Variants in IMPG1 observed in about 807,000 individuals in gnomAD.
IMPG1 encodes interphotoreceptor matrix proteoglycan 1.
In IMPG1, 85 loss-of-function variants were observed where a neutral mutation model predicts 92.0. The observed-to-expected ratio is 0.92, with a 90% CI of 0.78 to 1.11. The LOEUF (loss-of-function observed/expected upper bound fraction) is 1.11. IMPG1 is among the 50% of genes least tolerant of loss of function. The pLI, the probability that IMPG1 is intolerant of heterozygous loss-of-function variation, is 0.00. For missense variants in IMPG1, 1,022 were observed against 956.0 expected (o/e 1.07, Z -0.91); for synonymous variants, 367 against 334.1 (o/e 1.10, Z -1.08).
chr6:75,991,748 A>G (rs1176860202), intron 12 of IMPG1, among the ~76,000 whole-genome samples: 1 of 152,160 alleles, frequency 6.6e-6, no homozygotes, highest in African/African-American at 2.4e-5. Flanking sequence ...ATTCTTTTAT[A>G]TTATAATTAA....
chr6:75,951,223 A>ATTTT, intron 12 of IMPG1, 129 bp from the exon 13 acceptor site: 3 of 581,888 alleles, frequency 5.2e-6, no homozygotes, highest in Non-Finnish European at 2.9e-6. Flanking sequence ...TTCAATAGTC[A>ATTTT]TTTTTTTTTT....
chr6:75,963,634 C>A (rs1261836198), intron 12 of IMPG1, among the ~76,000 whole-genome samples: 1 of 152,114 alleles, frequency 6.6e-6, no homozygotes, highest in Non-Finnish European at 1.5e-5. Context: ...AAGCTTGCAG[C>A]AAACAAGGGA....
chr6:75,970,911 G>A (rs529675378), intron 12 of IMPG1, among the ~76,000 whole-genome samples: 5 of 152,008 alleles, frequency 3.3e-5, no homozygotes, highest in Non-Finnish European at 5.9e-5. Context: ...TCAGTGTGGC[G>A]ATTCCTCAGG....
chr6:75,922,153 CT>C lies in IMPG1; in HGVS notation c.2329del (p.Arg777GlufsTer6). The C allele has an allele frequency of 7.4e-7, 1 of 1,347,580 alleles. No individual in the cohort carries two copies. The highest frequency in any genetic ancestry group is 1.1e-6 in the Non-Finnish European group (1 of 950,590). 83.5% of individuals were successfully genotyped at this position (1,347,580 alleles called of 1,614,324 possible). On this transcript the variant is annotated frameshift_variant, in exon 17 of 17. Coordinates refer to ENST00000369950, the MANE Select transcript of IMPG1 (RefSeq NM_001563.4). LOFTEE classifies it high-confidence loss of function. ...TTCTACGGTCAGTAATTCAGAATTT[CT>C]TTTACTGATTACCTGAAAGAGAAAT... ...NQQNNKVISKRNSELLTVEYE... is the reference protein window; with the variant it reads ...NQQNNKVISKXNSELLTVEYE...
intron 1 of IMPG1, among the ~76,000 whole-genome samples, chr6:76,051,131 C>A (rs548241676): frequency 2.0e-5 from 3 of 152,038 alleles, no homozygotes; most frequent in African/African-American, 7.2e-5. Context: ...ACAATTTAAT[C>A]TTTCCCAAAT....
At chr6:76,012,040 TTATC>T (rs147463629) in intron 7 of IMPG1, among the ~76,000 whole-genome samples, 5,105 of 152,154 alleles carry the variant, frequency 0.034, 275 homozygotes, top group African/African-American at 0.12. Context: ...GGTTTGGAAA[TTATC>T]TATAATGTGA....
chr6:75,987,238 T>C (rs964513892), intron 12 of IMPG1, among the ~76,000 whole-genome samples: 2 of 151,960 alleles, frequency 1.3e-5, no homozygotes, highest in African/African-American at 4.8e-5. Flanking sequence ...CCTACGACTT[T>C]TTATCCTCTG....
At chr6:75,966,465 G>C (rs1407407726) in intron 12 of IMPG1, among the ~76,000 whole-genome samples, 1 of 152,096 alleles carries the variant, frequency 6.6e-6, no homozygotes, top group African/African-American at 2.4e-5. Flanking sequence ...TCGCTTTCTT[G>C]CTCTCACCCC....
At chr6:76,060,737 C>A (rs879328213) in intron 1 of IMPG1, among the ~76,000 whole-genome samples, 1 of 152,158 alleles carries the variant, frequency 6.6e-6, no homozygotes, top group African/African-American at 2.4e-5. Flanking sequence ...CTTGGTACCA[C>A]AAGTTCCTTC....
rs531180644 is a variant in IMPG1 at position 76,062,571 on chromosome 6, C to T, written c.67+9851G>A. 7.2e-5 allele frequency among the ~76,000 whole-genome samples: 11 copies of T among 152,146 alleles called. No homozygotes were observed. In the South Asian group the frequency reaches 2.3e-3, roughly 32 times the overall value. On this transcript the variant is annotated intron_variant, in intron 1 of 16. Transcript: ENST00000369950. ...TGGTAATTTTCATCTCCTATTTTTT[C>T]AAAACTACTCATCTTTTAAAATGAA...
chr6:75,980,195 G>A (rs1174506089), intron 12 of IMPG1, among the ~76,000 whole-genome samples: 1 of 152,056 alleles, frequency 6.6e-6, no homozygotes, highest in Non-Finnish European at 1.5e-5. Context: ...ATGAAATAGA[G>A]GGCAGTATAC....
intron 12 of IMPG1, among the ~76,000 whole-genome samples, chr6:75,993,801 AG>A (rs1782854205): frequency 6.6e-6 from 1 of 152,204 alleles, no homozygotes; most frequent in Admixed American, 6.5e-5. Context: ...AGCATTTAAA[AG>A]TTTATTCAAG....
intron 10 of IMPG1, among the ~76,000 whole-genome samples, chr6:76,004,297 A>G (rs73466855): frequency 0.04 from 6,108 of 152,310 alleles, 416 homozygotes; most frequent in African/African-American, 0.14. Context: ...CAAAATGACT[A>G]GAATAAATAC....
chr6:75,976,397 A>T (rs1782533371), intron 12 of IMPG1, among the ~76,000 whole-genome samples: 1 of 152,130 alleles, frequency 6.6e-6, no homozygotes, highest in Admixed American at 6.5e-5. Flanking sequence ...CCACGTCTCT[A>T]CCAAAAATAC....
intron 14 of IMPG1, among the ~76,000 whole-genome samples, chr6:75,944,269 C>G (rs1190802484): frequency 2.0e-5 from 3 of 152,340 alleles, no homozygotes; most frequent in South Asian, 4.1e-4. Context: ...CCTCCTTCCC[C>G]TCACTGTTGA....
intron 12 of IMPG1, among the ~76,000 whole-genome samples, chr6:75,974,391 CTTTTCTTTCT>C (rs1782490170): frequency 7.9e-4 from 43 of 54,776 alleles, no homozygotes; most frequent in African/African-American, 2.6e-3. Flanking sequence ...TTCTTTCTTT[CTTTTCTTTCT>C]TTCCTTCCTT....
intron 2 of IMPG1, among the ~76,000 whole-genome samples, chr6:76,036,567 G>A (rs182677072): frequency 1.5e-3 from 223 of 152,124 alleles, no homozygotes; most frequent in Middle Eastern, 3.4e-3. Context: ...AAGAAACAAC[G>A]TAATTTTAAT....
rs73468838 is a variant in IMPG1 at position 76,052,000 on chromosome 6, A to G, written c.68-9874T>C. Among the ~76,000 whole-genome samples, 601 of 152,146 alleles carry G rather than the reference A, an allele frequency of 4.0e-3. 4 individuals carry two copies. Among genetic ancestry groups the G allele is most frequent in the African/African-American group, 0.014 (576 of 41,502 alleles). ...ACACACAAGAAAAAAAAAAAGAAAG[A>G]AAAGGAAGAACTAAATCTATTGGTG... On this transcript the variant is annotated intron_variant, in intron 1 of 16. Transcript: ENST00000369950.
chr6:76,040,920 T>C, intron 2 of IMPG1, among the ~76,000 whole-genome samples: 1 of 152,168 alleles, frequency 6.6e-6, no homozygotes, highest in East Asian at 1.9e-4. Context: ...CATCACAGGC[T>C]GGAATTGAAC....
Sources: allele counts gnomAD v4.1 joint callset (sites outside exome capture counted in the v4.1 genomes callset), GRCh38; gene constraint gnomAD v4.1.1; transcripts MANE v1.5; gene names NCBI Gene and HGNC (gene_info 2026-07-23, HGNC 2026-07-21).